The following HELZ variants were observed in gnomAD, a reference collection of about 807,000 sequenced individuals.
HELZ encodes ATP-dependent RNA helicase with zinc finger domain.
HELZ carries 23 observed loss-of-function variants against 218.2 expected under a neutral mutation model. The observed-to-expected ratio is 0.11, with a 90% confidence interval of 0.08 to 0.15. The LOEUF (loss-of-function observed/expected upper bound fraction) is 0.15. Among genes scored for constraint, HELZ ranks in the 10% least tolerant of loss-of-function variants. The probability of loss-of-function intolerance (pLI) is 1.00; values close to 1 mark genes in which losing one functional copy is unlikely to be tolerated. For missense variants in HELZ, 1,813 were observed against 2,353.7 expected, an observed-to-expected ratio of 0.77 and a Z score of 4.75; for synonymous variants, 814 against 829.4, an observed-to-expected ratio of 0.98 and a Z score of 0.32.
chr17:67,214,182 C>T (rs895823736), intron 5 of HELZ, among the ~76,000 whole-genome samples: 2 of 151,168 alleles, frequency 1.3e-5, no homozygotes, highest in Non-Finnish European at 2.9e-5. Context: ...TTCTAGTTAA[C>T]TCTCAAAGCA....
intron 2 of HELZ, among the ~76,000 whole-genome samples, chr17:67,243,350 G>T (rs72838482): frequency 0.14 from 22,057 of 152,134 alleles, 1,805 homozygotes; most frequent in East Asian, 0.19. Context: ...AACGGAAAGG[G>T]TATACTTTAC....
intron 5 of HELZ, among the ~76,000 whole-genome samples, chr17:67,209,548 A>G (rs1036584775): frequency 1.3e-5 from 2 of 152,318 alleles, no homozygotes; most frequent in East Asian, 3.9e-4. Context: ...CAGTGAGCTA[A>G]GATCACACCA....
At chr17:67,203,524 C>A (rs1598416564) in intron 5 of HELZ, 81 bp from the exon 6 acceptor site, 1 of 1,510,896 alleles carries the variant, frequency 6.6e-7, no homozygotes, top group South Asian at 1.2e-5. Context: ...CACACTATCA[C>A]AAGCGTGGCT....
chr17:67,145,185 GGTTT>G (rs2038456370), intron 21 of HELZ, among the ~76,000 whole-genome samples: 1 of 152,130 alleles, frequency 6.6e-6, no homozygotes, highest in African/African-American at 2.4e-5. Flanking sequence ...CAGGGTTTCT[GGTTT>G]GTTAGCCCCT....
At chr17:67,135,339 A>G (rs539864716) in intron 23 of HELZ, among the ~76,000 whole-genome samples, 2 of 152,328 alleles carry the variant, frequency 1.3e-5, no homozygotes, top group East Asian at 3.9e-4. Flanking sequence ...AAAGTGAGGC[A>G]CTAAGGGATA....
At chr17:67,103,822 C>G (rs952049954) in intron 31 of HELZ, among the ~76,000 whole-genome samples, 5 of 152,128 alleles carry the variant, frequency 3.3e-5, no homozygotes, top group African/African-American at 4.8e-5. Flanking sequence ...AATATAAGGA[C>G]TCATACTTCC....
At chr17:67,196,471 A>G (rs953076596) in intron 7 of HELZ, among the ~76,000 whole-genome samples, 5 of 152,124 alleles carry the variant, frequency 3.3e-5, no homozygotes, top group African/African-American at 7.2e-5. Context: ...CTGCCTTTCT[A>G]TATTCTTGCA....
chr17:67,108,971 T>C lies in HELZ; in HGVS notation c.4489+145A>G, dbSNP rs1238486282. ...GATACTATCATACAGCATTTAGAAC[T>C]AGTTTCTGATTATCACACTAAATGG... On this transcript the variant is annotated intron_variant, in intron 29 of 32. Transcript: ENST00000358691. The surrounding 1 kb of genome is among the most constrained non-coding windows in gnomAD (Gnocchi z 4.1). 1 of 702,896 alleles carries C rather than the reference T, an allele frequency of 1.4e-6. No individual in the cohort carries two copies. Among genetic ancestry groups the C allele is most frequent in the Non-Finnish European group, 2.3e-6 (1 of 427,682 alleles). The allele number at this position is 702,896 out of a possible 1,614,324, so 43.5% of individuals were successfully genotyped here. A position where few individuals can be genotyped will look rare whatever the true frequency, so the allele number is the denominator to read the frequency against.
chr17:67,245,228 G>A (rs1049263168), upstream of HELZ: 187 of 985,330 alleles, frequency 1.9e-4, no homozygotes, highest in Non-Finnish European at 1.9e-4. Context: ...AGCCTTTAAA[G>A]TGACTCCCCC....
chr17:67,139,430 C>T lies in HELZ; in HGVS notation c.2770-1316G>A, dbSNP rs145921243. ...ATGTGGGGATAGATGAGTTGGGAGA[C>T]ACCTCTGCTGCGCCCTCCCACCCCA... On this transcript the variant is annotated intron_variant, in intron 21 of 32. Transcript: ENST00000358691. 9.9e-3 allele frequency among the ~76,000 whole-genome samples: 1,509 copies of T among 152,218 alleles called. 12 individuals are homozygous for T. The highest frequency in any genetic ancestry group is 0.015 in the Non-Finnish European group (994 of 68,018).
chr17:67,143,621 A>G (rs979895078), intron 21 of HELZ, among the ~76,000 whole-genome samples: 10 of 145,704 alleles, frequency 6.9e-5, no homozygotes, highest in African/African-American at 1.8e-4. Flanking sequence ...AAAAACAAAG[A>G]AAAAAAAAAA....
At chr17:67,126,334 G>C (rs1480292052) in intron 24 of HELZ, among the ~76,000 whole-genome samples, 2 of 152,062 alleles carry the variant, frequency 1.3e-5, no homozygotes, top group African/African-American at 4.8e-5. Flanking sequence ...CAGCACTATG[G>C]GTACTGTGTA....
intron 24 of HELZ, among the ~76,000 whole-genome samples, chr17:67,128,184 A>G (rs2037863148): frequency 1.3e-5 from 2 of 152,210 alleles, no homozygotes; most frequent in Admixed American, 1.3e-4. Context: ...AAGTCAGCCA[A>G]ATTTTTTTAC....
At chr17:67,186,559 T>A (rs569777907) in intron 12 of HELZ, among the ~76,000 whole-genome samples, 60 of 152,344 alleles carry the variant, frequency 3.9e-4, no homozygotes, top group African/African-American at 1.4e-3. Context: ...CCTGAGCTCC[T>A]TTTCATCACC....
At position 67,186,309 on chromosome 17, in the gene HELZ, G is replaced by C. The variant is rs575731155; in HGVS notation, c.1162+2010C>G. 2.6e-5 allele frequency among the ~76,000 whole-genome samples: 4 copies of C among 152,228 alleles called. No homozygotes were observed. The South Asian group carries it at 6.2e-4, about 24-fold the overall frequency. ...CTGATGTCGTACGAGGCTTCAGGTTGTCACAATGATCTATGACAGGTATTA... is the reference window on the plus strand; with the variant it reads ...CTGATGTCGTACGAGGCTTCAGGTTCTCACAATGATCTATGACAGGTATTA... On this transcript the variant is annotated intron_variant, in intron 12 of 32. Coordinates refer to ENST00000358691, the MANE Select transcript of HELZ (RefSeq NM_014877.4).
intron 6 of HELZ, among the ~76,000 whole-genome samples, chr17:67,201,972 G>A (rs900559209): frequency 6.6e-6 from 1 of 151,850 alleles, no homozygotes; most frequent in Non-Finnish European, 1.5e-5. Flanking sequence ...ATCCCGAGAT[G>A]GGCCAATACA....
In HELZ at chr17:67,108,995, G is replaced by A. The variant is rs1379811763; in HGVS notation, c.4489+121C>T. The A allele has an allele frequency of 1.2e-6, 1 of 804,772 alleles. No individual in the cohort carries two copies. 49.9% of individuals were successfully genotyped at this position (804,772 alleles called of 1,614,324 possible). ...CTAGTTTCTGATTATCACACTAAAT[G>A]GGGGGGTTTTGCTAGCATTATTTGA... On this transcript the variant is annotated intron_variant, in intron 29 of 32. Coordinates refer to ENST00000358691, the MANE Select transcript of HELZ (RefSeq NM_014877.4). The surrounding 1 kb of genome is among the most constrained non-coding windows in gnomAD (Gnocchi z 4.1).
chr17:67,212,583 T>C (rs1457156580), intron 5 of HELZ, among the ~76,000 whole-genome samples: 1 of 152,156 alleles, frequency 6.6e-6, no homozygotes, highest in East Asian at 1.9e-4. Flanking sequence ...CTAATATACA[T>C]GTATAATCTT....
chr17:67,178,422 T>G (rs564679651), intron 13 of HELZ, among the ~76,000 whole-genome samples: 1 of 152,200 alleles, frequency 6.6e-6, no homozygotes, highest in Non-Finnish European at 1.5e-5. Flanking sequence ...TGTCCCCTAA[T>G]AGATGTTTAA....
Sources: allele counts gnomAD v4.1 joint callset (sites outside exome capture counted in the v4.1 genomes callset), GRCh38; gene constraint gnomAD v4.1.1; non-coding constraint Gnocchi (gnomAD v3.1); transcripts MANE v1.5; gene names NCBI Gene and HGNC (gene_info 2026-07-23, HGNC 2026-07-21).